The following LAMC3 variants were observed in gnomAD, a reference collection of about 807,000 sequenced individuals.
LAMC3 encodes the protein laminin subunit gamma-3.
LAMC3 carries 128 observed loss-of-function variants against 173.8 expected under a neutral mutation model. That is an observed-to-expected ratio of 0.74 (90% CI 0.64 to 0.85). The LOEUF is 0.85. Among genes scored for constraint, LAMC3 ranks in the 40% least tolerant of loss-of-function variants. The pLI is 0.00. For synonymous variants in LAMC3, 897 were observed against 909.1 expected, an observed-to-expected ratio of 0.99 and a Z score of 0.24; for missense variants, 2,022 against 2,156.0, an observed-to-expected ratio of 0.94 and a Z score of 1.23.
Position 131,093,204 on chromosome 9 carries a change from G to T in LAMC3, c.*1417G>T, listed in dbSNP as rs936415527. 3 of 152,422 alleles carry T rather than the reference G, an allele frequency of 2.0e-5. No individual in the cohort carries two copies. Among genetic ancestry groups the T allele is most frequent in the African/African-American group, 7.2e-5 (3 of 41,456 alleles). 9.4% of individuals were successfully genotyped at this position (152,422 alleles called of 1,614,324 possible). A position where few individuals can be genotyped will look rare whatever the true frequency, so the allele number is the denominator to read the frequency against. On this transcript the variant is annotated 3_prime_UTR_variant, in exon 28 of 28. Transcript: ENST00000361069. ...AAAAGCCGAGCTCGTGGCTGGGCCA[G>T]TACCTCCCATTAGAGGGCTTTGCTG...
intron 13 of LAMC3, among the ~76,000 whole-genome samples, chr9:131,066,112 T>C (rs1361469571): frequency 6.6e-6 from 1 of 152,052 alleles, no homozygotes; most frequent in Non-Finnish European, 1.5e-5. Context: ...GGAGAATCTC[T>C]TGAACCCCAG....
At position 131,026,248 on chromosome 9, in the gene LAMC3, C is replaced by A; in HGVS notation, c.374-37C>A. ...TAGACCAGGATTCCATACCTCCTTC[C>A]CCTTCCATAAAATGGGCCCCGTTTT... On this transcript the variant is annotated intron_variant, in intron 1 of 27. Transcript: ENST00000361069. This position sits in a 1 kb window ranked among gnomAD's most constrained non-coding sequence, Gnocchi z 4.8. 6.2e-7 allele frequency: 1 copy of A among 1,613,228 alleles called. No homozygotes were observed. Among genetic ancestry groups the A allele is most frequent in the Non-Finnish European group, 8.5e-7 (1 of 1,179,720 alleles).
rs201785610 is a variant in LAMC3 at position 131,087,593 on chromosome 9, C to T, written c.4348C>T (p.Arg1450Cys). ...CCAGCAGGTGCTGGCGTCTGAAGCACGCAGACAGGAGCTGGAGGAAGCTGA... is the reference window on the plus strand; with the variant it reads ...CCAGCAGGTGCTGGCGTCTGAAGCATGCAGACAGGAGCTGGAGGAAGCTGA... ...ASQQVLASEA[R>C]RQELEEAERV... Residue 1450 changes from arginine to cysteine, a missense_variant, in exon 26 of 28, where the codon CGC becomes TGC. Coordinates refer to ENST00000361069, the MANE Select transcript of LAMC3 (RefSeq NM_006059.4). 430 of 1,613,998 alleles carry T rather than the reference C, an allele frequency of 2.7e-4. 10 individuals are homozygous for T. In the South Asian group the frequency reaches 3.8e-3, roughly 14 times the overall value.
At chr9:131,062,683 A>G (rs564745062) in intron 13 of LAMC3, among the ~76,000 whole-genome samples, 4 of 152,154 alleles carry the variant, frequency 2.6e-5, no homozygotes, top group African/African-American at 7.2e-5. Flanking sequence ...AGCCTGGCCA[A>G]CGTGGCAAAA....
intron 23 of LAMC3, 41 bp from the exon 24 acceptor site, chr9:131,082,018 C>T (rs903892358): frequency 6.5e-7 from 1 of 1,527,280 alleles, no homozygotes; most frequent in South Asian, 1.1e-5. Context: ...GGCCCTGCTC[C>T]TGTGGAGCCA....
intron 4 of LAMC3, 83 bp downstream of exon 4, chr9:131,036,415 T>G (rs1833946586): frequency 6.6e-7 from 1 of 1,519,190 alleles, no homozygotes; most frequent in South Asian, 1.1e-5. Context: ...AACGTCGTGG[T>G]GGGGGCTGCT....
At chr9:131,071,463 T>G in intron 17 of LAMC3, 21 bp from the exon 18 acceptor site, 1 of 1,528,554 alleles carries the variant, frequency 6.5e-7, no homozygotes. Context: ...CTCATACACC[T>G]TTTCTTCCTG....
intron 23 of LAMC3, among the ~76,000 whole-genome samples, 160 bp from the exon 24 acceptor site, chr9:131,081,899 A>G (rs919632954): frequency 2.6e-5 from 4 of 152,196 alleles, no homozygotes; most frequent in Admixed American, 6.5e-5. Flanking sequence ...ACTTTTGTAT[A>G]ATAACACAGA....
Position 131,067,199 on chromosome 9 carries a change from T to C in LAMC3, c.2587T>C (p.Cys863Arg). ...SALAPRPADKCMPCSCHPQGS... is the reference protein window; with the variant it reads ...SALAPRPADKRMPCSCHPQGS... ...CCTGGCCCCTCGACCCGCAGACAAATGCATGCGTGAGTACCTACCTCCAGA... is the reference window on the plus strand; with the variant it reads ...CCTGGCCCCTCGACCCGCAGACAAACGCATGCGTGAGTACCTACCTCCAGA... The change falls in exon 14 of 28, where the codon TGC (cysteine) becomes CGC (arginine). Residue 863 changes from cysteine to arginine, a missense_variant. Cys to Arg is a radical substitution (Grantham distance 180, BLOSUM62 -3). Coordinates refer to ENST00000361069, the MANE Select transcript of LAMC3 (RefSeq NM_006059.4). The C allele has an allele frequency of 6.2e-7, 1 of 1,613,782 alleles. No individual in the cohort carries two copies. The highest frequency in any genetic ancestry group is 1.7e-4 in the Middle Eastern group (1 of 6,060).
rs1328872992 is a variant in LAMC3 at position 131,088,336 on chromosome 9, A to T, written c.4477+519A>T. Among the ~76,000 whole-genome samples the T allele has an allele frequency of 1.3e-5, 2 of 152,134 alleles. 1 individual carries two copies. Among genetic ancestry groups the T allele is most frequent in the Admixed American group, 1.3e-4 (2 of 15,276 alleles). On this transcript the variant is annotated intron_variant, in intron 27 of 27. Transcript: ENST00000361069. ...CCCCCATCTGGAAAATGGGAGTAAC[A>T]GTGGGGTGGTTTAGAAAGCGCTTAC...
chr9:131,078,824 G>A (rs903825511), intron 22 of LAMC3, among the ~76,000 whole-genome samples: 1 of 152,214 alleles, frequency 6.6e-6, no homozygotes, highest in African/African-American at 2.4e-5. Context: ...AGGTTAGCTG[G>A]GTTGCTCAAG....
chr9:131,021,662 G>A (rs570617758), intron 1 of LAMC3, among the ~76,000 whole-genome samples: 1 of 152,060 alleles, frequency 6.6e-6, no homozygotes, highest in Non-Finnish European at 1.5e-5. Context: ...GATAGCATCC[G>A]GTCCCACAGG....
Position 131,091,473 on chromosome 9 carries a change from G to T in LAMC3, c.4478-64G>T. ...TGAGCTGGGGAGAGGCTCAGGGGCT[G>T]GGAGGTGCCCTGGGGCCTGCAGGGC... is the stretch of plus-strand genomic sequence containing the variant. On this transcript the variant is annotated intron_variant, in intron 27 of 27. Transcript: ENST00000361069. The T allele has an allele frequency of 1.9e-6, 3 of 1,548,820 alleles. No homozygotes were observed. The South Asian group carries it at 3.6e-5, about 18-fold the overall frequency.
chr9:131,087,511 G>A lies in LAMC3; in HGVS notation c.4266G>A (p.Ala1422=), dbSNP rs748528260. 1.7e-5 allele frequency: 27 copies of A among 1,613,650 alleles called. No homozygotes were observed. In the East Asian group the frequency reaches 2.0e-4, roughly 12 times the overall value. ...AKALLRERKQ[A]HRRASRLTSQ... ...CCTTGCTGAGGGAGCGGAAACAGGC[G>A]CACCGCCGTGCCAGCAGGCTCACCA... is the stretch of plus-strand genomic sequence containing the variant. The change falls in exon 26 of 28, where the codon GCG becomes GCA. Residue 1422 remains alanine (A), a synonymous_variant. Transcript: ENST00000361069.
intron 1 of LAMC3, among the ~76,000 whole-genome samples, chr9:131,020,828 G>T (rs1276405196): frequency 2.0e-5 from 3 of 152,162 alleles, no homozygotes; most frequent in East Asian, 1.9e-4. Context: ...AGGAAGGAGG[G>T]TGCCTTTATT....
Position 131,029,099 on chromosome 9 carries a change from G to C in LAMC3, c.678+2510G>C, listed in dbSNP as rs747471022. On this transcript the variant is annotated intron_variant, in intron 2 of 27. Transcript: ENST00000361069. This position sits in a 1 kb window ranked among gnomAD's most constrained non-coding sequence, Gnocchi z 4.6. The stretch of plus-strand genomic sequence containing the variant: ...GCCCCCACCGCAAATCACATCATCC[G>C]CATAGACTACCTAGTGTGGCCCAAG... 2.0e-5 allele frequency among the ~76,000 whole-genome samples: 3 copies of C among 152,278 alleles called. No individual in the cohort carries two copies. The highest frequency in any genetic ancestry group is 7.2e-5 in the African/African-American group (3 of 41,556).
chr9:131,055,407 CTT>C (rs2133287903), intron 11 of LAMC3, among the ~76,000 whole-genome samples: 1 of 143,862 alleles, frequency 7.0e-6, no homozygotes, highest in Admixed American at 7.2e-5. Flanking sequence ...CATCCACACT[CTT>C]TTTTCTTTTC....
intron 1 of LAMC3, among the ~76,000 whole-genome samples, chr9:131,022,556 T>G (rs998814262): frequency 7.3e-5 from 11 of 151,636 alleles, no homozygotes; most frequent in African/African-American, 2.7e-4. Context: ...TAGAATATAT[T>G]TATTTATTTA....
At chr9:131,081,034 C>T (rs1219446241) in intron 23 of LAMC3, among the ~76,000 whole-genome samples, 2 of 152,262 alleles carry the variant, frequency 1.3e-5, no homozygotes, top group Non-Finnish European at 2.9e-5. Context: ...CCCCTAACTC[C>T]ATGCCCACTC....
Sources: gnomAD v4.1 joint callset for allele counts (sites outside exome capture counted in the v4.1 genomes callset) on GRCh38, gnomAD v4.1.1 for gene constraint, Gnocchi (gnomAD v3.1) non-coding constraint, MANE v1.5 for transcripts, NCBI Gene and HGNC (gene_info 2026-07-23, HGNC 2026-07-21) for gene names.